Variants in PIGK observed in about 807,000 individuals in gnomAD.
The protein encoded by PIGK is GPI-anchor transamidase.
In PIGK, 42 loss-of-function variants were observed where a neutral mutation model predicts 50.6. The ratio of observed to expected loss-of-function variants is 0.83; its 90% CI spans 0.65 to 1.07. The LOEUF is 1.07. Ranked by LOEUF, PIGK falls within the 50% of genes least tolerant of loss-of-function variation. PIGK has a pLI of 0.00. For synonymous variants in PIGK, 151 were observed against 156.0 expected (o/e 0.97, Z 0.24); for missense variants, 448 against 488.7 (o/e 0.92, Z 0.78).
chr1:77,091,270 A>AAAC lies in PIGK; in HGVS notation c.*1101_*1103dup, dbSNP rs1233216179. On this transcript the variant is annotated 3_prime_UTR_variant, in exon 11 of 11. Transcript: ENST00000370812. The stretch of plus-strand genomic sequence containing the variant: ...ATAGCACAGTCTCAATATTATTTCC[A>AAAC]AACTAAAATGTCAGTGATGGGGATA... 6.6e-6 allele frequency: 1 copy of AAAC among 152,210 alleles called. No individual in the cohort carries two copies. Among genetic ancestry groups the AAAC allele is most frequent in the Non-Finnish European group, 1.5e-5 (1 of 68,016 alleles). 9.4% of individuals were successfully genotyped at this position (152,210 alleles called of 1,614,324 possible). A position where few individuals can be genotyped will look rare whatever the true frequency, so the allele number is the denominator to read the frequency against.
intron 4 of PIGK, among the ~76,000 whole-genome samples, chr1:77,167,914 A>C (rs1462606301): frequency 6.6e-6 from 1 of 152,190 alleles, no homozygotes; most frequent in Non-Finnish European, 1.5e-5. Flanking sequence ...CATGTTCACT[A>C]CCTGGGTGAC....
intron 3 of PIGK, among the ~76,000 whole-genome samples, chr1:77,175,949 GA>G (rs1204908187): frequency 3.9e-5 from 6 of 152,024 alleles, no homozygotes; most frequent in Admixed American, 1.3e-4. Context: ...GTAGACTTAT[GA>G]AAGGGTGAAA....
Position 77,154,504 on chromosome 1 carries a change from C to T in PIGK, c.931G>A (p.Glu311Lys). The change falls in exon 9 of 11, where the codon GAA becomes AAA. Residue 311 changes from glutamate to lysine, a missense_variant. Physicochemically the swap from Glu to Lys is moderately conservative, Grantham distance 56 (BLOSUM62 1). Coordinates refer to ENST00000370812, the MANE Select transcript of PIGK (RefSeq NM_005482.3). ...TDFFGSVRKV[E>K]ITTETIKLQQ... ...AATTTAATAGTCTCTGTTGTAATTT[C>T]CACTTTCCGTACACTTCCAAAGAAA... is the stretch of plus-strand genomic sequence containing the variant. 6.2e-7 allele frequency: 1 copy of T among 1,612,258 alleles called. No homozygotes were observed. The highest frequency in any genetic ancestry group is 8.5e-7 in the Non-Finnish European group (1 of 1,178,692).
intron 9 of PIGK, among the ~76,000 whole-genome samples, chr1:77,149,224 A>G (rs1165767726): frequency 2.6e-5 from 4 of 152,154 alleles, no homozygotes; most frequent in Admixed American, 6.5e-5. Flanking sequence ...CAAAATGGCT[A>G]CAGTAAGCCC....
intron 3 of PIGK, among the ~76,000 whole-genome samples, chr1:77,187,981 G>A (rs1655789878): frequency 6.6e-6 from 1 of 152,160 alleles, no homozygotes; most frequent in African/African-American, 2.4e-5. Flanking sequence ...CAATACCCTT[G>A]TGATTTCCTA....
chr1:77,152,757 C>A (rs1654920908), intron 9 of PIGK, among the ~76,000 whole-genome samples: 1 of 151,746 alleles, frequency 6.6e-6, no homozygotes, highest in South Asian at 2.1e-4. Flanking sequence ...AAGAAGACAA[C>A]AGGTATATGA....
At chr1:77,127,987 C>T (rs78860126) in intron 9 of PIGK, among the ~76,000 whole-genome samples, 4,603 of 152,174 alleles carry the variant, frequency 0.03, 92 homozygotes, top group Non-Finnish European at 0.046. Flanking sequence ...TAAAGACACT[C>T]CGAGTGAAGA....
At chr1:77,193,385 C>T (rs1655957494) in intron 3 of PIGK, among the ~76,000 whole-genome samples, 1 of 151,994 alleles carries the variant, frequency 6.6e-6, no homozygotes, top group African/African-American at 2.4e-5. Flanking sequence ...AGTTACATGC[C>T]ACACTGGAGT....
At position 77,109,628 on chromosome 1, in the gene PIGK, T is replaced by C. The variant is rs367943648; in HGVS notation, c.1071+12647A>G. Among the ~76,000 whole-genome samples the C allele has an allele frequency of 3.9e-5, 6 of 152,306 alleles. No homozygotes were observed. In the South Asian group the frequency reaches 6.2e-4, roughly 16 times the overall value. On this transcript the variant is annotated intron_variant, in intron 10 of 10. Coordinates refer to ENST00000370812, the MANE Select transcript of PIGK (RefSeq NM_005482.3). Reference sequence around the variant, plus strand: ...TGTTATCTCAAAATAATAAGAGCTATTTATGACAAACCCACAGCCAATATC... The same window carrying C: ...TGTTATCTCAAAATAATAAGAGCTACTTATGACAAACCCACAGCCAATATC...
chr1:77,170,563 T>C (rs747347150), intron 3 of PIGK, among the ~76,000 whole-genome samples: 2 of 152,236 alleles, frequency 1.3e-5, no homozygotes, highest in Non-Finnish European at 2.9e-5. Flanking sequence ...GCAGGGGCTA[T>C]ATCTGTCCTG....
chr1:77,169,712 T>A (rs1391209610), intron 3 of PIGK, among the ~76,000 whole-genome samples: 1 of 152,210 alleles, frequency 6.6e-6, no homozygotes, highest in East Asian at 1.9e-4. Context: ...AATTTCAAGT[T>A]ACAATGTTTT....
chr1:77,214,249 T>A (rs546672129), intron 1 of PIGK, among the ~76,000 whole-genome samples: 1 of 152,044 alleles, frequency 6.6e-6, no homozygotes, highest in Non-Finnish European at 1.5e-5. Context: ...TACAGGCCAA[T>A]ACCCGTGATG....
At chr1:77,150,461 G>C (rs1445492337) in intron 9 of PIGK, among the ~76,000 whole-genome samples, 2 of 148,388 alleles carry the variant, frequency 1.3e-5, no homozygotes, top group African/African-American at 5.0e-5. Flanking sequence ...TTCCAGACTA[G>C]CTTGAGCAAC....
intron 6 of PIGK, among the ~76,000 whole-genome samples, chr1:77,162,725 G>A (rs1481087669): frequency 6.6e-6 from 1 of 152,092 alleles, no homozygotes; most frequent in Non-Finnish European, 1.5e-5. Flanking sequence ...AGAAAACAAA[G>A]CATTGAATCT....
intron 10 of PIGK, among the ~76,000 whole-genome samples, chr1:77,113,426 T>C (rs1055632054): frequency 2.6e-5 from 4 of 152,104 alleles, no homozygotes. Flanking sequence ...TAGTTGTTTT[T>C]AATTACTAAT....
At chr1:77,139,933 G>A (rs1180122588) in intron 9 of PIGK, among the ~76,000 whole-genome samples, 2 of 152,036 alleles carry the variant, frequency 1.3e-5, no homozygotes, top group African/African-American at 4.8e-5. Flanking sequence ...GTGAAATGTT[G>A]TATCTCATTC....
chr1:77,136,282 C>A (rs1180367193), intron 9 of PIGK, among the ~76,000 whole-genome samples: 1 of 152,106 alleles, frequency 6.6e-6, no homozygotes, highest in Non-Finnish European at 1.5e-5. Context: ...GTAATCCCAG[C>A]ACTTTGGGAG....
At chr1:77,117,329 C>T (rs1356229093) in intron 10 of PIGK, among the ~76,000 whole-genome samples, 2 of 152,156 alleles carry the variant, frequency 1.3e-5, no homozygotes, top group East Asian at 3.8e-4. Context: ...AATGTCTTTC[C>T]TATTTTATGA....
At chr1:77,209,081 T>C (rs976678537) in intron 2 of PIGK, among the ~76,000 whole-genome samples, 9 of 152,174 alleles carry the variant, frequency 5.9e-5, no homozygotes, top group Admixed American at 5.2e-4. Flanking sequence ...ATGCTGTACA[T>C]TCTCTGCTCC....
Sources: gnomAD v4.1 joint callset for allele counts (sites outside exome capture counted in the v4.1 genomes callset) on GRCh38, gnomAD v4.1.1 for gene constraint, MANE v1.5 for transcripts, NCBI Gene and HGNC (gene_info 2026-07-23, HGNC 2026-07-21) for gene names.